Variants in NFE2L1 observed in about 807,000 individuals in gnomAD.
NFE2L1 encodes NFE2 like bZIP transcription factor 1, also known as endoplasmic reticulum membrane sensor NFE2L1.
Under a neutral mutation model 61.6 loss-of-function variants are expected in NFE2L1, and 18 were observed. The observed-to-expected ratio is 0.29, with a 90% confidence interval of 0.20 to 0.43. The LOEUF is 0.43. Ranked by LOEUF, NFE2L1 falls within the 20% of genes least tolerant of loss-of-function variation. The pLI is 1.00. For missense variants in NFE2L1, 827 were observed against 973.5 expected (o/e 0.85, Z 2.00); for synonymous variants, 419 against 402.7 (o/e 1.04, Z -0.48).
rs142854456 is a variant in NFE2L1, at chr17:48,051,565, C to T, written c.447C>T (p.Phe149=). The T allele has an allele frequency of 4.1e-5, 66 of 1,613,990 alleles. No homozygotes were observed. In the African/African-American group the frequency reaches 6.8e-4, roughly 17 times the overall value. ...GAGAAAGCGAAACGGAGCAGGGATT[C>T]GGTGAAGATTTGGAGGATTTGGGGG... The part of the protein sequence containing the change: ...GVRESETEQG[F]GEDLEDLGAV... Residue 149 remains phenylalanine, a synonymous_variant, in exon 2 of 6, where the codon TTC becomes TTT. Coordinates refer to ENST00000362042, the MANE Select transcript of NFE2L1 (RefSeq NM_003204.3).
At chr17:48,054,405 C>G (rs1257414654) in intron 2 of NFE2L1, 4 of 260,586 alleles carry the variant, frequency 1.5e-5, no homozygotes, top group Non-Finnish European at 2.8e-5. Flanking sequence ...GAGATTGGCT[C>G]CCGTCTGCAG....
chr17:48,057,564 G>A, intron 5 of NFE2L1, 62 bp downstream of exon 5: 2 of 1,547,740 alleles, frequency 1.3e-6, no homozygotes, highest in South Asian at 2.5e-5. Context: ...TTAGCACTCA[G>A]TTGCTTTTCC....
In NFE2L1 at chr17:48,058,654, A is replaced by G. The variant is rs1391221142; in HGVS notation, c.1332A>G (p.Glu444=). The G allele has an allele frequency of 6.2e-7, 1 of 1,614,158 alleles. No individual in the cohort carries two copies. The highest frequency in any genetic ancestry group is 1.7e-5 in the Admixed American group (1 of 60,014). ...LPDPLGGLLD[E]AMLDEISLMD... Reference sequence around the variant, plus strand: ...ACCCTTTGGGGGGTCTGTTAGATGAAGCTATGTTGGATGAGATCAGCCTTA... The same window carrying G: ...ACCCTTTGGGGGGTCTGTTAGATGAGGCTATGTTGGATGAGATCAGCCTTA... Residue 444 remains glutamate (E), a synonymous_variant, in exon 6 of 6, where the codon GAA becomes GAG. Coordinates refer to ENST00000362042, the MANE Select transcript of NFE2L1 (RefSeq NM_003204.3).
In NFE2L1 at chr17:48,059,113, A is replaced by G. The variant is rs767162597; in HGVS notation, c.1791A>G (p.Lys597=). The change falls in exon 6 of 6, where the codon AAA becomes AAG. Residue 597 remains lysine, a synonymous_variant. Transcript: ENST00000362042. This position sits in a 1 kb window ranked among gnomAD's most constrained non-coding sequence, Gnocchi z 6.1. ...TGCCACCACCCAGTGCCCTCAAGAAAGGCAGCAAGGAGAAGCAGGCTGACT... is the reference window on the plus strand; with the variant it reads ...TGCCACCACCCAGTGCCCTCAAGAAGGGCAGCAAGGAGAAGCAGGCTGACT... ...ADLPPPSALK[K]GSKEKQADFL... The G allele has an allele frequency of 8.1e-6, 13 of 1,613,976 alleles. No individual in the cohort carries two copies. Among genetic ancestry groups the G allele is most frequent in the East Asian group, 2.2e-5 (1 of 44,888 alleles).
At position 48,057,485 on chromosome 17, in the gene NFE2L1, T is replaced by C. The variant is rs746308967; in HGVS notation, c.955T>C (p.Ser319Pro). The change falls in exon 5 of 6, where the codon TCC becomes CCC. Residue 319 changes from serine to proline, a missense_variant. Physicochemically the swap from Ser to Pro is moderately conservative, Grantham distance 74 (BLOSUM62 -1). Around this residue, in one of 3 missense-constraint regions of NFE2L1, gnomAD observed 667 missense variants for 748.4 expected, o/e 0.89. Transcript: ENST00000362042. ...DLEQQWQDLM[S>P]IMEMQAMEVN... ...GGAACAGCAGTGGCAAGATCTCATG[T>C]CCATCATGGAAATGCAGGTAGGATT... The C allele has an allele frequency of 6.2e-7, 1 of 1,613,358 alleles. No homozygotes were observed. The highest frequency in any genetic ancestry group is 8.5e-7 in the Non-Finnish European group (1 of 1,179,698).
rs762272437 is a variant in NFE2L1 at position 48,058,790 on chromosome 17, C to T, written c.1468C>T (p.Leu490=). ...SLDSSHSPSS[L]SSSEGSSSSS... is the part of the protein sequence containing the mutation. ...AGACTCGAGCCATAGCCCTTCTTCC[C>T]TAAGCAGCTCTGAAGGCAGTTCTTC... Residue 490 remains leucine, a synonymous_variant, in exon 6 of 6, where the codon CTA becomes TTA. Coordinates refer to ENST00000362042, the MANE Select transcript of NFE2L1 (RefSeq NM_003204.3). 1.2e-6 allele frequency: 2 copies of T among 1,614,170 alleles called. No individual in the cohort carries two copies. The highest frequency in any genetic ancestry group is 1.1e-5 in the South Asian group (1 of 91,086).
rs901677489 is a variant in NFE2L1, at chr17:48,050,996, T to G, written c.-123T>G. 5 of 1,185,952 alleles carry G rather than the reference T, an allele frequency of 4.2e-6. No individual in the cohort carries two copies. In the Admixed American group the frequency reaches 9.7e-5, roughly 23 times the overall value. The allele number at this position is 1,185,952 out of a possible 1,614,324, so 73.5% of individuals were successfully genotyped here. ...GCTCATCCCTTGTGTTCTGCCAGGG[T>G]GGGGTACGGGGTTTGACACTGAGGA... On this transcript the variant is annotated 5_prime_UTR_variant, in exon 2 of 6. Coordinates refer to ENST00000362042, the MANE Select transcript of NFE2L1 (RefSeq NM_003204.3).
rs1279906067 is a variant in NFE2L1, at chr17:48,060,015, A to C, written c.*374A>C. On this transcript the variant is annotated 3_prime_UTR_variant, in exon 6 of 6. Transcript: ENST00000362042. ...GAAAGTCTCATTTCAGGAAGGAGGG[A>C]TAGAAGGAAGGAAGGAAGGAACCCC... 6.8e-6 allele frequency: 1 copy of C among 148,120 alleles called. No individual in the cohort carries two copies. The allele number at this position is 148,120 out of a possible 1,614,324, so 9.2% of individuals were successfully genotyped here. A position where few individuals can be genotyped will look rare whatever the true frequency, so the allele number is the denominator to read the frequency against.
At position 48,059,564 on chromosome 17, in the gene NFE2L1, GTCC is replaced by G. The variant is rs768150084; in HGVS notation, c.2248_2250del (p.Leu750del). ...GCTCCAGTACGCCGGGGACGGCAGT[GTCC>G]TCCTCATCCCCCGCACGATGGCCGA... On this transcript the variant is annotated inframe_deletion, in exon 6 of 6. Coordinates refer to ENST00000362042, the MANE Select transcript of NFE2L1 (RefSeq NM_003204.3). The surrounding 1 kb of genome is among the most constrained non-coding windows in gnomAD (Gnocchi z 6.1). 1.7e-5 allele frequency: 27 copies of G among 1,607,928 alleles called. No homozygotes were observed. The highest frequency in any genetic ancestry group is 2.7e-5 in the African/African-American group (2 of 74,802).
rs757367617 is a variant in NFE2L1, at chr17:48,059,673, A to G, written c.*32A>G. 9.9e-6 allele frequency: 15 copies of G among 1,521,884 alleles called. No individual in the cohort carries two copies. The East Asian group carries it at 2.7e-4, about 28-fold the overall frequency. The allele number at this position is 1,521,884 out of a possible 1,614,324, so 94.3% of individuals were successfully genotyped here. Reference sequence around the variant, plus strand: ...GGAAGAAGGGGGTTTGAAGCCCACCAAGACCGAAACTGGAGAAGGGCTGGA... The same window carrying G: ...GGAAGAAGGGGGTTTGAAGCCCACCGAGACCGAAACTGGAGAAGGGCTGGA... On this transcript the variant is annotated 3_prime_UTR_variant, in exon 6 of 6. Coordinates refer to ENST00000362042, the MANE Select transcript of NFE2L1 (RefSeq NM_003204.3). The surrounding 1 kb of genome is among the most constrained non-coding windows in gnomAD (Gnocchi z 6.1).
chr17:48,053,394 T>C (rs751779592), intron 2 of NFE2L1, among the ~76,000 whole-genome samples: 1 of 152,146 alleles, frequency 6.6e-6, no homozygotes, highest in Non-Finnish European at 1.5e-5. Context: ...AGGATTATTA[T>C]GTGTCTAGAA....
chr17:48,059,191 C>T lies in NFE2L1; in HGVS notation c.1869C>T (p.Ile623=). Reference sequence around the variant, plus strand: ...AGCACCGAGCCCGAGCCATGAAGATCCCTTTCACCAATGACAAAATCATCA... The same window carrying T: ...AGCACCGAGCCCGAGCCATGAAGATTCCTTTCACCAATGACAAAATCATCA... ...RDEHRARAMK[I]PFTNDKIINL... Residue 623 remains isoleucine (I), a synonymous_variant, in exon 6 of 6, where the codon ATC becomes ATT. Coordinates refer to ENST00000362042, the MANE Select transcript of NFE2L1 (RefSeq NM_003204.3). The surrounding 1 kb of genome is among the most constrained non-coding windows in gnomAD (Gnocchi z 6.1). 6.2e-7 allele frequency: 1 copy of T among 1,614,126 alleles called. No individual in the cohort carries two copies. The highest frequency in any genetic ancestry group is 8.5e-7 in the Non-Finnish European group (1 of 1,180,028).
chr17:48,058,310 A>G lies in NFE2L1; in HGVS notation c.988A>G (p.Thr330Ala), dbSNP rs2037453411. 3.1e-6 allele frequency: 5 copies of G among 1,591,728 alleles called. No individual in the cohort carries two copies. The highest frequency in any genetic ancestry group is 2.2e-5 in the East Asian group (1 of 44,540). ...IMEMQAMEVN[T>A]SASEILYSAP... ...CCCCTCCCAGGCCATGGAAGTGAAC[A>G]CATCAGCAAGTGAAATCCTGTACAG... is the stretch of plus-strand genomic sequence containing the variant. Residue 330 changes from threonine (T) to alanine (A), a missense_variant, in exon 6 of 6, where the codon ACA becomes GCA. Coordinates refer to ENST00000362042, the MANE Select transcript of NFE2L1 (RefSeq NM_003204.3).
intron 2 of NFE2L1, among the ~76,000 whole-genome samples, chr17:48,055,470 G>A (rs1299067492): frequency 6.6e-6 from 1 of 152,078 alleles, no homozygotes; most frequent in Non-Finnish European, 1.5e-5. Flanking sequence ...AGGGTAGAGC[G>A]GGAGGGAAGC....
rs1214640677 is a variant in NFE2L1, at chr17:48,058,783, T to C, written c.1461T>C (p.Pro487=). The C allele has an allele frequency of 1.9e-6, 3 of 1,614,100 alleles. No individual in the cohort carries two copies. Among genetic ancestry groups the C allele is most frequent in the Non-Finnish European group, 2.5e-6 (3 of 1,180,048 alleles). The change falls in exon 6 of 6, where the codon CCT becomes CCC. Residue 487 remains proline (P), a synonymous_variant. Coordinates refer to ENST00000362042, the MANE Select transcript of NFE2L1 (RefSeq NM_003204.3). ...SGLSLDSSHS[P]SSLSSSEGSS... ...TTTCCTTAGACTCGAGCCATAGCCC[T>C]TCTTCCCTAAGCAGCTCTGAAGGCA...
chr17:48,051,960 G>T (rs2037264102), intron 2 of NFE2L1, among the ~76,000 whole-genome samples: 1 of 152,124 alleles, frequency 6.6e-6, no homozygotes, highest in African/African-American at 2.4e-5. Context: ...GGGCTTTGAT[G>T]CAGTGTACAT....
At chr17:48,050,478 C>CAA (rs200432684) in intron 1 of NFE2L1, 129 bp from the exon 2 acceptor site, 544 of 322,018 alleles carry the variant, frequency 1.7e-3, no homozygotes, top group Non-Finnish European at 2.0e-3. Flanking sequence ...GACTCTGTCT[C>CAA]AAAAAAAAAA....
At chr17:48,057,843 C>T (rs1297479193) in intron 5 of NFE2L1, among the ~76,000 whole-genome samples, 1 of 152,186 alleles carries the variant, frequency 6.6e-6, no homozygotes, top group Non-Finnish European at 1.5e-5. Context: ...GCTTCACAGC[C>T]ATCGTTCGCT....
In NFE2L1 at chr17:48,060,029, GGAAGGAACCCCCCCCCCCCC is replaced by G. The variant is rs1463769272; in HGVS notation, c.*392_*411del. The G allele has an allele frequency of 1.0e-5, 1 of 97,622 alleles. No homozygotes were observed. Among genetic ancestry groups the G allele is most frequent in the Non-Finnish European group, 2.0e-5 (1 of 50,574 alleles). The allele number at this position is 97,622 out of a possible 1,614,324, so 6.0% of individuals were successfully genotyped here. A position where few individuals can be genotyped will look rare whatever the true frequency, so the allele number is the denominator to read the frequency against. On this transcript the variant is annotated 3_prime_UTR_variant, in exon 6 of 6. Coordinates refer to ENST00000362042, the MANE Select transcript of NFE2L1 (RefSeq NM_003204.3). ...AGGAAGGAGGGATAGAAGGAAGGAA[GGAAGGAACCCCCCCCCCCCC>G]GAAAAAAAAATCAAAGCGGGAAGAA...
Sources: allele counts gnomAD v4.1 joint callset (sites outside exome capture counted in the v4.1 genomes callset), GRCh38; gene constraint gnomAD v4.1.1; regional missense constraint gnomAD v4.1.1; non-coding constraint Gnocchi (gnomAD v3.1); transcripts MANE v1.5; gene names NCBI Gene and HGNC (gene_info 2026-07-23, HGNC 2026-07-21).